Variants in ITGB1 observed in about 807,000 individuals in gnomAD.
The protein encoded by ITGB1 is integrin subunit beta 1.
In ITGB1, 24 loss-of-function variants were observed where a neutral mutation model predicts 86.5. The ratio of observed to expected loss-of-function variants is 0.28; its 90% CI spans 0.20 to 0.39. The LOEUF (loss-of-function observed/expected upper bound fraction) is 0.39, where lower values mean the gene tolerates loss of function less well. ITGB1 is among the 10% of genes least tolerant of loss of function. The pLI is 1.00. For synonymous variants in ITGB1, 323 were observed against 316.8 expected (o/e 1.02, Z -0.21); for missense variants, 556 against 946.9 (o/e 0.59, Z 5.42).
intron 1 of ITGB1, among the ~76,000 whole-genome samples, chr10:32,943,978 A>G (rs955459391): frequency 6.6e-6 from 1 of 152,216 alleles, no homozygotes; most frequent in African/African-American, 2.4e-5. Context: ...GTCGCCTCAA[A>G]GGGCATTAAC....
At chr10:32,945,387 A>T (rs931295081) in intron 1 of ITGB1, among the ~76,000 whole-genome samples, 1 of 152,154 alleles carries the variant, frequency 6.6e-6, no homozygotes, top group Non-Finnish European at 1.5e-5. Flanking sequence ...TCACGAGGTC[A>T]GGAGATCGAG....
intron 1 of ITGB1, among the ~76,000 whole-genome samples, chr10:32,947,725 T>C (rs193203774): frequency 1.3e-5 from 2 of 152,356 alleles, no homozygotes; most frequent in Non-Finnish European, 2.9e-5. Flanking sequence ...CTGAGCTTCA[T>C]GACAGCAGAT....
At chr10:32,952,588 CT>C (rs768504328) in intron 1 of ITGB1, among the ~76,000 whole-genome samples, 10 of 152,096 alleles carry the variant, frequency 6.6e-5, no homozygotes, top group Non-Finnish European at 1.3e-4. Flanking sequence ...ATTACGAAAG[CT>C]TAAGTTATTT....
chr10:32,945,823 T>C (rs1001321497), intron 1 of ITGB1, among the ~76,000 whole-genome samples: 4 of 152,212 alleles, frequency 2.6e-5, no homozygotes, highest in Admixed American at 2.6e-4. Flanking sequence ...TTTACACTAA[T>C]AAATATATAA....
At chr10:32,938,002 G>A (rs781537834) in intron 1 of ITGB1, among the ~76,000 whole-genome samples, 3 of 152,194 alleles carry the variant, frequency 2.0e-5, no homozygotes, top group Non-Finnish European at 4.4e-5. Context: ...TAAGCGTAAC[G>A]TGAAAAGTCA....
At chr10:32,916,023 C>T (rs2488325) in intron 11 of ITGB1, among the ~76,000 whole-genome samples, 52,118 of 152,112 alleles carry the variant, frequency 0.34, 11,382 homozygotes, top group Non-Finnish European at 0.5. Flanking sequence ...AATCAATAAA[C>T]GTAATCCATC....
In ITGB1 at chr10:32,910,457, T is replaced by C; in HGVS notation, c.1932-2A>G. The C allele has an allele frequency of 6.4e-7, 1 of 1,559,510 alleles. No homozygotes were observed. Among genetic ancestry groups the C allele is most frequent in the Non-Finnish European group, 8.7e-7 (1 of 1,145,634 alleles). On this transcript the variant is annotated splice_acceptor_variant, in intron 13 of 15. Coordinates refer to ENST00000302278, the MANE Select transcript of ITGB1 (RefSeq NM_002211.4). LOFTEE classifies it high-confidence loss of function. ...AAGGCTCTGCACTGAACACATTCTC[T>C]GTTACAAAAAACACAAATTATGATA...
intron 15 of ITGB1, among the ~76,000 whole-genome samples, chr10:32,903,263 A>C (rs1405717786): frequency 1.3e-5 from 2 of 149,772 alleles, no homozygotes; most frequent in African/African-American, 2.4e-5. Context: ...GGGATAGGGG[A>C]ATCACTTGAA....
At chr10:32,956,687 AAC>A (rs1398587110) in intron 1 of ITGB1, among the ~76,000 whole-genome samples, 2 of 152,212 alleles carry the variant, frequency 1.3e-5, no homozygotes, top group Admixed American at 6.5e-5. Flanking sequence ...CAGCCTGGGC[AAC>A]AGAGACCCTG....
In ITGB1 at chr10:32,901,780, G is replaced by A. The variant is rs555046208; in HGVS notation, c.2332-145C>T. The A allele has an allele frequency of 1.2e-5, 7 of 596,610 alleles. No homozygotes were observed. In the South Asian group the frequency reaches 1.7e-4, roughly 14 times the overall value. The allele number at this position is 596,610 out of a possible 1,614,324, so 37.0% of individuals were successfully genotyped here. The stretch of plus-strand genomic sequence containing the variant: ...GTCCAGATATCACAGTTGTTTTAAA[G>A]GCATTAATAATGGTTTATATAAAAA... On this transcript the variant is annotated intron_variant, in intron 15 of 15. Coordinates refer to ENST00000302278, the MANE Select transcript of ITGB1 (RefSeq NM_002211.4).
intron 11 of ITGB1, among the ~76,000 whole-genome samples, chr10:32,914,515 C>T (rs979889523): frequency 1.9e-4 from 29 of 152,202 alleles, no homozygotes; most frequent in African/African-American, 6.0e-4. Context: ...GGTTGCAAAC[C>T]TAGTCTCTGA....
chr10:32,937,996 C>T (rs895032061), intron 1 of ITGB1, among the ~76,000 whole-genome samples: 2 of 152,180 alleles, frequency 1.3e-5, no homozygotes, highest in South Asian at 2.1e-4. Context: ...AAGAGTTAAG[C>T]GTAACGTGAA....
In ITGB1 at chr10:32,913,993, G is replaced by C. The variant is rs1250375658; in HGVS notation, c.1470-1869C>G. Among the ~76,000 whole-genome samples the C allele has an allele frequency of 6.6e-5, 10 of 152,354 alleles. No homozygotes were observed. In the East Asian group the frequency reaches 1.7e-3, roughly 26 times the overall value. ...TCGGCAGAAACTCTACAAGCCAGAA[G>C]AGAGTGGGGGCCAATATTTAACATT... On this transcript the variant is annotated intron_variant, in intron 11 of 15. Coordinates refer to ENST00000302278, the MANE Select transcript of ITGB1 (RefSeq NM_002211.4).
chr10:32,906,446 C>A, intron 15 of ITGB1: 1 of 222,496 alleles, frequency 4.5e-6, no homozygotes, highest in South Asian at 4.3e-5. Context: ...AAAAATTAGC[C>A]TAGCATGGTG....
At chr10:32,954,760 T>C (rs1217452998) in intron 1 of ITGB1, among the ~76,000 whole-genome samples, 4 of 152,214 alleles carry the variant, frequency 2.6e-5, no homozygotes, top group South Asian at 4.1e-4. Flanking sequence ...TATATACATA[T>C]GTATGTGTAC....
At chr10:32,912,437 C>T (rs971976228) in intron 11 of ITGB1, among the ~76,000 whole-genome samples, 1 of 152,180 alleles carries the variant, frequency 6.6e-6, no homozygotes, top group African/African-American at 2.4e-5. Flanking sequence ...CAGGACACTC[C>T]CACACTAATA....
intron 1 of ITGB1, among the ~76,000 whole-genome samples, chr10:32,956,612 G>A (rs1481642291): frequency 6.6e-6 from 1 of 152,118 alleles, no homozygotes. Flanking sequence ...AGAGGCTGAG[G>A]TGGAAAAGTA....
Position 32,928,199 on chromosome 10 carries a change from G to T in ITGB1, c.442C>A (p.Leu148Ile). 1 of 1,092,160 alleles carries T rather than the reference G, an allele frequency of 9.2e-7. No homozygotes were observed. Among genetic ancestry groups the T allele is most frequent in the Non-Finnish European group, 1.4e-6 (1 of 702,670 alleles). The allele number at this position is 1,092,160 out of a possible 1,614,324, so 67.7% of individuals were successfully genotyped here. The change falls in exon 5 of 16, where the codon CTT becomes ATT. Residue 148 changes from leucine (L) to isoleucine (I), a missense_variant. Physicochemically the swap from Leu to Ile is conservative, Grantham distance 5. Transcript: ENST00000302278. ...AEDYPIDLYY[L>I]MDLSYSMKDD... ...TTCATTGAGTAAGACAGGTCCATAA[G>T]GTAGTAGAGGTCAATGGGATAGTCT...
At chr10:32,909,734 T>C (rs2094907248) in intron 14 of ITGB1, among the ~76,000 whole-genome samples, 1 of 151,866 alleles carries the variant, frequency 6.6e-6, no homozygotes, top group African/African-American at 2.4e-5. Context: ...ATGTACACTA[T>C]GGTAGAAAAT....
Sources: gnomAD v4.1 joint callset for allele counts (sites outside exome capture counted in the v4.1 genomes callset) on GRCh38, gnomAD v4.1.1 for gene constraint, MANE v1.5 for transcripts, NCBI Gene and HGNC (gene_info 2026-07-23, HGNC 2026-07-21) for gene names.